Variants in DCLK1 observed in about 807,000 individuals in gnomAD.
DCLK1 encodes doublecortin like kinase 1, also known as serine/threonine-protein kinase DCLK1.
Under a neutral mutation model 86.2 loss-of-function variants are expected in DCLK1, and 16 were observed. The ratio of observed to expected loss-of-function variants is 0.19; its 90% CI spans 0.13 to 0.28. The LOEUF (loss-of-function observed/expected upper bound fraction) is 0.28. DCLK1 is among the 10% of genes least tolerant of loss of function. The probability of loss-of-function intolerance (pLI) is 1.00; values close to 1 mark genes in which losing one functional copy is unlikely to be tolerated. For missense variants in DCLK1, 590 were observed against 940.2 expected, an observed-to-expected ratio of 0.63 and a Z score of 4.87; for synonymous variants, 369 against 370.5, an observed-to-expected ratio of 1.00 and a Z score of 0.05.
intron 13 of DCLK1, 36 bp from the exon 14 acceptor site, chr13:35,808,356 T>A: frequency 6.5e-7 from 1 of 1,549,306 alleles, no homozygotes; most frequent in South Asian, 1.1e-5. Context: ...AAAACAGCAC[T>A]AAGATATCAA....
intron 8 of DCLK1, among the ~76,000 whole-genome samples, chr13:35,833,067 G>A (rs1479162325): frequency 6.6e-6 from 1 of 152,156 alleles, no homozygotes; most frequent in Non-Finnish European, 1.5e-5. Context: ...CTGGATTTGA[G>A]CCTGCTTGTG....
intron 3 of DCLK1, among the ~76,000 whole-genome samples, chr13:35,986,678 A>G (rs190062573): frequency 1.3e-3 from 197 of 152,262 alleles, no homozygotes; most frequent in African/African-American, 4.3e-3. Flanking sequence ...AGCTTTCTGC[A>G]TCTCTGAGTG....
chr13:35,858,834 C>CAATG (rs140650214), intron 5 of DCLK1, among the ~76,000 whole-genome samples: 1,655 of 152,298 alleles, frequency 0.011, 21 homozygotes, highest in African/African-American at 0.036. Flanking sequence ...CACAACTTGT[C>CAATG]TGAACATTGG....
intron 6 of DCLK1, among the ~76,000 whole-genome samples, chr13:35,842,354 C>T (rs1869871733): frequency 6.6e-6 from 1 of 150,644 alleles, no homozygotes; most frequent in Admixed American, 6.6e-5. Flanking sequence ...CAGGTCTAAT[C>T]CACTTTTCAC....
intron 8 of DCLK1, among the ~76,000 whole-genome samples, chr13:35,830,363 C>T (rs1291732484): frequency 6.6e-6 from 1 of 152,108 alleles, no homozygotes; most frequent in African/African-American, 2.4e-5. Context: ...TGCACTCCAG[C>T]CTGGGCGACA....
intron 4 of DCLK1, among the ~76,000 whole-genome samples, chr13:35,930,124 T>C (rs140078421): frequency 6.6e-6 from 1 of 152,234 alleles, no homozygotes; most frequent in East Asian, 1.9e-4. Context: ...TTTCACTTCA[T>C]CTGCTTTCCT....
intron 15 of DCLK1, among the ~76,000 whole-genome samples, chr13:35,795,616 G>A (rs570201304): frequency 5.3e-5 from 8 of 152,312 alleles, no homozygotes; most frequent in African/African-American, 1.7e-4. Flanking sequence ...TATAAAAAAT[G>A]TTTTTATTAA....
At chr13:35,813,913 G>T (rs1354584048) in intron 11 of DCLK1, among the ~76,000 whole-genome samples, 2 of 152,050 alleles carry the variant, frequency 1.3e-5, no homozygotes, top group Admixed American at 1.3e-4. Context: ...GTTTTTGCAG[G>T]TGAATAAATG....
chr13:35,958,131 AC>A, intron 3 of DCLK1, among the ~76,000 whole-genome samples: 1 of 49,734 alleles, frequency 2.0e-5, no homozygotes, highest in South Asian at 5.9e-4. Context: ...CACTACCACT[AC>A]TATAACCACC....
intron 3 of DCLK1, among the ~76,000 whole-genome samples, chr13:36,026,171 A>G (rs186349523): frequency 2.0e-5 from 3 of 152,360 alleles, no homozygotes; most frequent in South Asian, 2.1e-4. Flanking sequence ...CTTTGCTTCA[A>G]TGATTTTAAC....
rs185733022 is a variant in DCLK1, at chr13:35,823,248, C to T, written c.1408-373G>A. Among the ~76,000 whole-genome samples, 107 of 152,108 alleles carry T rather than the reference C, an allele frequency of 7.0e-4. 1 individual carries two copies. Among genetic ancestry groups the T allele is most frequent in the African/African-American group, 2.5e-3 (104 of 41,494 alleles). ...TGTGCTACCTGCCTCACATTGACTG[C>T]CAGCCAGAGTTCAAATTTGTAATCC... On this transcript the variant is annotated intron_variant, in intron 10 of 16. Coordinates refer to ENST00000360631, the MANE Select transcript of DCLK1 (RefSeq NM_001330071.2).
chr13:35,773,181 C>T lies in DCLK1; in HGVS notation c.*1354G>A, dbSNP rs1376308062. 6.6e-6 allele frequency: 1 copy of T among 152,542 alleles called. No individual in the cohort carries two copies. Among genetic ancestry groups the T allele is most frequent in the Non-Finnish European group, 1.5e-5 (1 of 68,056 alleles). 9.4% of individuals were successfully genotyped at this position (152,542 alleles called of 1,614,324 possible). A position where few individuals can be genotyped will look rare whatever the true frequency, so the allele number is the denominator to read the frequency against. On this transcript the variant is annotated 3_prime_UTR_variant, in exon 17 of 17. Transcript: ENST00000360631. ...AAGAAACTCAGGCCTGGAGACACTG[C>T]ACTAGGGAGATAGATTTGGTAACAA...
intron 3 of DCLK1, among the ~76,000 whole-genome samples, chr13:36,053,696 AG>A (rs776848459): frequency 6.6e-6 from 1 of 152,182 alleles, no homozygotes; most frequent in East Asian, 1.9e-4. Context: ...ATAATGATAA[AG>A]GGGACAGTGC....
chr13:35,900,699 G>A (rs1467994779), intron 4 of DCLK1, among the ~76,000 whole-genome samples: 5 of 152,020 alleles, frequency 3.3e-5, no homozygotes, highest in Non-Finnish European at 4.4e-5. Context: ...GTTTTTCCCC[G>A]GCTTCCCTGG....
chr13:35,851,101 C>T (rs1870596300), intron 6 of DCLK1, among the ~76,000 whole-genome samples: 2 of 152,144 alleles, frequency 1.3e-5, no homozygotes, highest in Non-Finnish European at 2.9e-5. Flanking sequence ...CTTCCTTGAC[C>T]ATTTCCTTCC....
At chr13:35,952,745 C>T (rs941103238) in intron 3 of DCLK1, among the ~76,000 whole-genome samples, 8 of 152,236 alleles carry the variant, frequency 5.3e-5, no homozygotes, top group East Asian at 1.9e-4. Flanking sequence ...GGTTATTATA[C>T]GGAAATCTAA....
rs1196910165 is a variant in DCLK1 at position 35,771,066 on chromosome 13, AG to A, written c.*3468del. On this transcript the variant is annotated 3_prime_UTR_variant, in exon 17 of 17. Coordinates refer to ENST00000360631, the MANE Select transcript of DCLK1 (RefSeq NM_001330071.2). ...CTCAGCACGATTGAGCTTCAGCGCA[AG>A]GGATAGAGTTGTCTAGTGGACGCCC... The A allele has an allele frequency of 6.6e-6, 1 of 152,238 alleles. No homozygotes were observed. Among genetic ancestry groups the A allele is most frequent in the Admixed American group, 6.5e-5 (1 of 15,286 alleles). 9.4% of individuals were successfully genotyped at this position (152,238 alleles called of 1,614,324 possible).
intron 3 of DCLK1, among the ~76,000 whole-genome samples, chr13:35,956,139 CTG>C (rs961900719): frequency 6.6e-6 from 1 of 152,154 alleles, no homozygotes; most frequent in Admixed American, 6.6e-5. Context: ...AAAATAAAAA[CTG>C]TGACACAGTA....
In DCLK1 at chr13:36,104,679, A is replaced by G. The variant is rs536578743; in HGVS notation, c.723+7190T>C. Among the ~76,000 whole-genome samples, 25 of 152,238 alleles carry G rather than the reference A, an allele frequency of 1.6e-4. 1 individual carries two copies. Among genetic ancestry groups the G allele is most frequent in the African/African-American group, 5.5e-4 (23 of 41,548 alleles). On this transcript the variant is annotated intron_variant, in intron 3 of 16. Coordinates refer to ENST00000360631, the MANE Select transcript of DCLK1 (RefSeq NM_001330071.2). ...AGGTATTCAACAAATGATACTAATA[A>G]TAATATTACTTTCTCGGTGGGATGG...
Sources: gnomAD v4.1 joint callset for allele counts (sites outside exome capture counted in the v4.1 genomes callset) on GRCh38, gnomAD v4.1.1 for gene constraint, MANE v1.5 for transcripts, NCBI Gene and HGNC (gene_info 2026-07-23, HGNC 2026-07-21) for gene names.